The following ABI2 variants were observed in gnomAD, a reference collection of about 807,000 sequenced individuals.
ABI2 encodes abelson interactor 2.
ABI2 carries 25 observed loss-of-function variants against 59.2 expected under a neutral mutation model. That is an observed-to-expected ratio of 0.42 (90% CI 0.31 to 0.59). The LOEUF is 0.59. Among genes scored for constraint, ABI2 ranks in the 20% least tolerant of loss-of-function variants. The pLI is 0.14. For missense variants in ABI2, 545 were observed against 681.8 expected (o/e 0.80, Z 2.23); for synonymous variants, 213 against 235.5 (o/e 0.90, Z 0.87).
intron 6 of ABI2, 124 bp from the exon 7 acceptor site, chr2:203,395,532 T>C: frequency 9.3e-7 from 1 of 1,073,458 alleles, no homozygotes; most frequent in Non-Finnish European, 1.3e-6. Context: ...AAATTTTATT[T>C]TGAAGTGGTA....
chr2:203,387,528 ATTTC>A, intron 4 of ABI2, among the ~76,000 whole-genome samples: 1 of 152,008 alleles, frequency 6.6e-6, no homozygotes, highest in Non-Finnish European at 1.5e-5. Flanking sequence ...TAAATGAAAT[ATTTC>A]TTCTGTTTTG....
At chr2:203,402,763 TA>T (rs2097272536) in intron 9 of ABI2, 29 bp downstream of exon 9, 4 of 1,511,952 alleles carry the variant, frequency 2.6e-6, no homozygotes, top group Non-Finnish European at 3.5e-6. Context: ...TTGCATTCTA[TA>T]GAATGTATTT....
At chr2:203,342,188 CA>C in intron 1 of ABI2, 1 of 455,336 alleles carries the variant, frequency 2.2e-6, no homozygotes, top group South Asian at 1.6e-5. Flanking sequence ...CCTGGTCGTT[CA>C]AAAATAGTTA....
chr2:203,420,272 A>G (rs1018695790), intron 11 of ABI2, among the ~76,000 whole-genome samples: 1 of 152,132 alleles, frequency 6.6e-6, no homozygotes, highest in Non-Finnish European at 1.5e-5. Flanking sequence ...GTATCTCTTA[A>G]CTTTTGTAAA....
intron 1 of ABI2, among the ~76,000 whole-genome samples, chr2:203,350,233 T>C (rs540218359): frequency 6.6e-6 from 1 of 152,308 alleles, no homozygotes; most frequent in South Asian, 2.1e-4. Flanking sequence ...TGCATTACTA[T>C]GCCCGGCTAA....
chr2:203,367,935 G>C (rs948787941), intron 2 of ABI2, among the ~76,000 whole-genome samples: 2 of 151,848 alleles, frequency 1.3e-5, no homozygotes, highest in African/African-American at 4.8e-5. Flanking sequence ...GCATGCGGAG[G>C]TCTAGACTAT....
intron 1 of ABI2, among the ~76,000 whole-genome samples, chr2:203,331,367 T>TTTTTTTTTTTTTTG (rs1198154445): frequency 6.8e-6 from 1 of 146,372 alleles, no homozygotes; most frequent in Non-Finnish European, 1.5e-5. Context: ...TTTTTTTTTT[T>TTTTTTTTTTTTTTG]TCTGAGACAG....
Position 203,416,916 on chromosome 2 carries a change from A to G in ABI2, c.1288A>G (p.Thr430Ala). The G allele has an allele frequency of 6.2e-7, 1 of 1,611,190 alleles. No individual in the cohort carries two copies. Residue 430 changes from threonine (T) to alanine (A), a missense_variant, in exon 11 of 12, where the codon ACA (threonine) becomes GCA (alanine). Around this residue, in one of 4 missense-constraint regions of ABI2, gnomAD observed 410 missense variants for 435.6 expected, o/e 0.94. Transcript: ENST00000261018. The part of the protein sequence containing the change: ...VARVQENISD[T>A]PPPPPPVEEP... ...GCCTGATACGTTCTTAGTTTCAGAT[A>G]CACCACCTCCACCGCCACCTGTGGA... is the stretch of plus-strand genomic sequence containing the variant.
At chr2:203,389,487 G>A (rs900635486) in intron 4 of ABI2, among the ~76,000 whole-genome samples, 2 of 151,992 alleles carry the variant, frequency 1.3e-5, no homozygotes, top group African/African-American at 4.8e-5. Flanking sequence ...CTTAAGCCAG[G>A]GTTGGTTTTG....
chr2:203,373,523 G>A (rs1005528068), intron 2 of ABI2, among the ~76,000 whole-genome samples: 3 of 151,924 alleles, frequency 2.0e-5, no homozygotes, highest in Admixed American at 1.3e-4. Flanking sequence ...GAGGGAGAGG[G>A]AGACTAAACT....
chr2:203,354,635 A>G (rs191907822), intron 1 of ABI2, among the ~76,000 whole-genome samples: 23 of 152,324 alleles, frequency 1.5e-4, no homozygotes, highest in African/African-American at 4.6e-4. Flanking sequence ...TTACAGCAAC[A>G]ATAATAGCCA....
At position 203,402,689 on chromosome 2, in the gene ABI2, C is replaced by G. The variant is rs2097269683; in HGVS notation, c.1147C>G (p.Leu383Val). The G allele has an allele frequency of 6.8e-6, 11 of 1,606,668 alleles. No homozygotes were observed. The highest frequency in any genetic ancestry group is 1.3e-5 in the African/African-American group (1 of 74,670). ...RPPSITSQTS[L>V]QNQMNGGPFY... ...TCCTTCCATTACTTCACAAACAAGC[C>G]TTCAGAATCAGATGAATGGAGGACC... Residue 383 changes from leucine to valine, a missense_variant, in exon 9 of 12, where the codon CTT becomes GTT. Leu to Val is a conservative substitution (Grantham distance 32). Transcript: ENST00000261018.
At chr2:203,414,100 T>C (rs1445818492) in intron 10 of ABI2, among the ~76,000 whole-genome samples, 2 of 130,934 alleles carry the variant, frequency 1.5e-5, no homozygotes, top group East Asian at 4.1e-4. Flanking sequence ...ACTTGCATTG[T>C]CTTTTTTTTT....
intron 4 of ABI2, among the ~76,000 whole-genome samples, chr2:203,387,076 T>TC (rs769478999): frequency 2.9e-4 from 20 of 68,296 alleles, no homozygotes; most frequent in African/African-American, 1.4e-3. Context: ...TTTTTTTTTT[T>TC]CCCCACATGC....
intron 4 of ABI2, among the ~76,000 whole-genome samples, chr2:203,390,711 T>A (rs1220932838): frequency 6.6e-6 from 1 of 152,260 alleles, no homozygotes; most frequent in Non-Finnish European, 1.5e-5. Context: ...TTACTCTTTA[T>A]TAAAACTAAA....
At chr2:203,331,808 CTTTTTT>C (rs55695294) in intron 1 of ABI2, among the ~76,000 whole-genome samples, 4 of 121,960 alleles carry the variant, frequency 3.3e-5, no homozygotes, top group Admixed American at 8.4e-5. Flanking sequence ...GCTCAGTGTT[CTTTTTT>C]TTTTTTTTTT....
chr2:203,387,180 G>A (rs1013671689), intron 4 of ABI2, among the ~76,000 whole-genome samples: 2 of 151,212 alleles, frequency 1.3e-5, no homozygotes, highest in African/African-American at 4.9e-5. Context: ...ACTGTTCTGT[G>A]GTAGTAGGTC....
chr2:203,365,787 G>A (rs750621064), intron 1 of ABI2, among the ~76,000 whole-genome samples: 6 of 151,822 alleles, frequency 4.0e-5, no homozygotes, highest in Non-Finnish European at 7.4e-5. Flanking sequence ...CCGCCACCAT[G>A]CCTGGCTAAT....
At chr2:203,363,219 G>A (rs968985853) in intron 1 of ABI2, among the ~76,000 whole-genome samples, 1 of 152,046 alleles carries the variant, frequency 6.6e-6, no homozygotes, top group Non-Finnish European at 1.5e-5. Context: ...GAGATATTTT[G>A]ATACAGGCAT....
Sources: gnomAD v4.1 joint callset for allele counts (sites outside exome capture counted in the v4.1 genomes callset) on GRCh38, gnomAD v4.1.1 for gene constraint, gnomAD v4.1.1 regional missense constraint, MANE v1.5 for transcripts, NCBI Gene and HGNC (gene_info 2026-07-23, HGNC 2026-07-21) for gene names.